ITGA9: variants seen among roughly 807,000 people sequenced by gnomAD.
ITGA9 encodes integrin alpha-9.
Under a neutral mutation model 127.8 loss-of-function variants are expected in ITGA9, and 56 were observed. The ratio of observed to expected loss-of-function variants is 0.44; its 90% CI spans 0.35 to 0.55. ITGA9 has a LOEUF of 0.55. Ranked by LOEUF, ITGA9 falls within the 20% of genes least tolerant of loss-of-function variation. The pLI is 0.00. For synonymous variants in ITGA9, 508 were observed against 514.5 expected, an observed-to-expected ratio of 0.99 and a Z score of 0.17; for missense variants, 1,196 against 1,347.1, an observed-to-expected ratio of 0.89 and a Z score of 1.76.
At chr3:37,790,113 T>C (rs1697090253) in intron 26 of ITGA9, 1 of 556,946 alleles carries the variant, frequency 1.8e-6, no homozygotes, top group Non-Finnish European at 3.5e-6. Context: ...AAATTTTGCC[T>C]TTGGGAATGC....
At chr3:37,713,584 C>T (rs2125679756) in intron 18 of ITGA9, among the ~76,000 whole-genome samples, 1 of 152,228 alleles carries the variant, frequency 6.6e-6, no homozygotes, top group East Asian at 1.9e-4. Context: ...CTGGTTGGAG[C>T]TGGGGAGGGG....
At chr3:37,489,475 T>C (rs1698644640) in intron 4 of ITGA9, among the ~76,000 whole-genome samples, 1 of 152,250 alleles carries the variant, frequency 6.6e-6, no homozygotes, top group South Asian at 2.1e-4. Flanking sequence ...TTTCCCCTTT[T>C]AAAATCTTTC....
intron 8 of ITGA9, among the ~76,000 whole-genome samples, chr3:37,511,338 G>C (rs2125574919): frequency 6.6e-6 from 1 of 152,282 alleles, no homozygotes; most frequent in South Asian, 2.1e-4. Flanking sequence ...GGGGAGCTCT[G>C]ATCATCGGAC....
intron 15 of ITGA9, among the ~76,000 whole-genome samples, chr3:37,610,180 G>T (rs1334853813): frequency 6.6e-6 from 1 of 152,210 alleles, no homozygotes; most frequent in Non-Finnish European, 1.5e-5. Context: ...ACCTAGAATG[G>T]CTGGCTGGGT....
chr3:37,732,074 C>A (rs1041094694), intron 18 of ITGA9, among the ~76,000 whole-genome samples: 1 of 152,154 alleles, frequency 6.6e-6, no homozygotes, highest in African/African-American at 2.4e-5. Context: ...TTCCTTTGAC[C>A]TTGGTTGGAA....
At chr3:37,525,779 A>C (rs1699086531) in intron 12 of ITGA9, among the ~76,000 whole-genome samples, 2 of 152,190 alleles carry the variant, frequency 1.3e-5, no homozygotes, top group Non-Finnish European at 2.9e-5. Flanking sequence ...TGTGTAGTTT[A>C]CACTCACAGC....
At chr3:37,577,098 G>T (rs1236874833) in intron 15 of ITGA9, among the ~76,000 whole-genome samples, 3 of 152,224 alleles carry the variant, frequency 2.0e-5, no homozygotes, top group Non-Finnish European at 4.4e-5. Context: ...GGCACAGGTG[G>T]TCAGTGGGGC....
Position 37,750,548 on chromosome 3 carries a change from G to A in ITGA9, c.2520G>A (p.Met840Ile). The A allele has an allele frequency of 1.2e-6, 2 of 1,611,394 alleles. No homozygotes were observed. The highest frequency in any genetic ancestry group is 1.7e-6 in the Non-Finnish European group (2 of 1,177,524). Residue 840 changes from methionine (M) to isoleucine (I), a missense_variant, in exon 23 of 28, where the codon ATG becomes ATA. Transcript: ENST00000264741. ...PNRLSSGGAE[M>I]FHVQEMVVGQ... is the part of the protein sequence containing the mutation. Reference sequence around the variant, plus strand: ...GACTCTCATCTGGTGGTGCAGAGATGTTTCATGTCCAGGAAATGGTGGTGA... The same window carrying A: ...GACTCTCATCTGGTGGTGCAGAGATATTTCATGTCCAGGAAATGGTGGTGA...
rs1464103163 is a variant in ITGA9, at chr3:37,452,594, C to T, written c.185+35C>T. On this transcript the variant is annotated intron_variant, in intron 1 of 27. Transcript: ENST00000264741. This position sits in a 1 kb window ranked among gnomAD's most constrained non-coding sequence, Gnocchi z 7.3. Reference sequence around the variant, plus strand: ...CGCCCGACTCCGCGACCCTGGCCCGCGCGGCCACCGCCCCGGCCCCCAGGC... The same window carrying T: ...CGCCCGACTCCGCGACCCTGGCCCGTGCGGCCACCGCCCCGGCCCCCAGGC... 6.8e-7 allele frequency: 1 copy of T among 1,477,768 alleles called. No homozygotes were observed. The highest frequency in any genetic ancestry group is 1.3e-5 in the South Asian group (1 of 78,838). The allele number at this position is 1,477,768 out of a possible 1,614,324, so 91.5% of individuals were successfully genotyped here.
chr3:37,687,679 A>C (rs1700794573), intron 18 of ITGA9, among the ~76,000 whole-genome samples: 1 of 152,262 alleles, frequency 6.6e-6, no homozygotes, highest in Non-Finnish European at 1.5e-5. Context: ...CAAAATTAGA[A>C]CAGTATATTC....
intron 18 of ITGA9, among the ~76,000 whole-genome samples, chr3:37,693,191 CAT>C (rs1700849611): frequency 6.6e-6 from 1 of 152,138 alleles, no homozygotes; most frequent in Admixed American, 6.5e-5. Flanking sequence ...TAAGATGTTG[CAT>C]TGTCTCTGAT....
intron 3 of ITGA9, among the ~76,000 whole-genome samples, chr3:37,480,629 A>C (rs978599652): frequency 6.6e-6 from 1 of 152,112 alleles, no homozygotes; most frequent in Non-Finnish European, 1.5e-5. Flanking sequence ...TCCATAAAAA[A>C]ACAACTCTCC....
chr3:37,566,145 G>C (rs1031466639), intron 15 of ITGA9, among the ~76,000 whole-genome samples: 2 of 152,154 alleles, frequency 1.3e-5, no homozygotes, highest in Non-Finnish European at 2.9e-5. Context: ...AGTCAAAATA[G>C]TACAATAGTC....
At chr3:37,605,980 T>C (rs186276223) in intron 15 of ITGA9, among the ~76,000 whole-genome samples, 106 of 152,282 alleles carry the variant, frequency 7.0e-4, no homozygotes, top group African/African-American at 2.5e-3. Flanking sequence ...GTGTGAGGAA[T>C]GCCAGAGGGA....
At chr3:37,727,042 GTTCCA>G (rs1183789887) in intron 18 of ITGA9, among the ~76,000 whole-genome samples, 2 of 152,180 alleles carry the variant, frequency 1.3e-5, no homozygotes, top group Non-Finnish European at 2.9e-5. Context: ...GCTTAGAACA[GTTCCA>G]TTAACCTACA....
At chr3:37,694,203 C>T (rs775227198) in intron 18 of ITGA9, among the ~76,000 whole-genome samples, 5 of 152,228 alleles carry the variant, frequency 3.3e-5, no homozygotes, top group Non-Finnish European at 7.3e-5. Flanking sequence ...CTTCCCCATC[C>T]GCTTATCAGA....
intron 15 of ITGA9, among the ~76,000 whole-genome samples, chr3:37,547,587 A>C (rs1190966834): frequency 6.6e-6 from 1 of 152,184 alleles, no homozygotes; most frequent in East Asian, 1.9e-4. Flanking sequence ...TAGTTAAGAA[A>C]GGGAGATTAA....
At chr3:37,653,675 C>T (rs1700450000) in intron 16 of ITGA9, 39 bp from the exon 17 acceptor site, 1 of 1,464,800 alleles carries the variant, frequency 6.8e-7, no homozygotes, top group Admixed American at 1.7e-5. Context: ...GTTTGCCACT[C>T]AATCCTGCCC....
intron 18 of ITGA9, among the ~76,000 whole-genome samples, chr3:37,726,134 T>G (rs925712261): frequency 2.6e-5 from 4 of 152,206 alleles, no homozygotes; most frequent in African/African-American, 9.6e-5. Context: ...ACACCTCAGT[T>G]GATTGGGGAA....
Sources: allele counts gnomAD v4.1 joint callset (sites outside exome capture counted in the v4.1 genomes callset), GRCh38; gene constraint gnomAD v4.1.1; non-coding constraint Gnocchi (gnomAD v3.1); transcripts MANE v1.5; gene names NCBI Gene and HGNC (gene_info 2026-07-23, HGNC 2026-07-21).